The following SLCO3A1 variants were observed in gnomAD, a reference collection of about 807,000 sequenced individuals.
The protein encoded by SLCO3A1 is PGE1 transporter.
In SLCO3A1, 27 loss-of-function variants were observed where a neutral mutation model predicts 63.1. The observed-to-expected ratio is 0.43, with a 90% CI of 0.32 to 0.59. SLCO3A1 has a LOEUF of 0.59. Among genes scored for constraint, SLCO3A1 ranks in the 20% least tolerant of loss-of-function variants. The probability of loss-of-function intolerance (pLI) is 0.09; values close to 1 mark genes in which losing one functional copy is unlikely to be tolerated. For synonymous variants in SLCO3A1, 473 were observed against 409.9 expected (o/e 1.15, Z -1.86); for missense variants, 773 against 945.8 (o/e 0.82, Z 2.40).
chr15:91,911,922 G>A (rs1898500070), intron 1 of SLCO3A1, among the ~76,000 whole-genome samples: 1 of 152,000 alleles, frequency 6.6e-6, no homozygotes, highest in African/African-American at 2.4e-5. Flanking sequence ...ACTGCGCCCG[G>A]CCGGGACATC....
At chr15:92,011,894 A>G (rs1446790356) in intron 2 of SLCO3A1, among the ~76,000 whole-genome samples, 2 of 152,228 alleles carry the variant, frequency 1.3e-5, no homozygotes, top group Non-Finnish European at 2.9e-5. Context: ...GAACCTCTCA[A>G]TTTGCTGTGT....
intron 2 of SLCO3A1, among the ~76,000 whole-genome samples, chr15:92,051,982 A>C (rs2046963558): frequency 6.6e-6 from 1 of 152,186 alleles, no homozygotes; most frequent in Non-Finnish European, 1.5e-5. Context: ...CTGTGACTTT[A>C]AAGACCAAAT....
chr15:92,029,041 T>A (rs1226720608), intron 2 of SLCO3A1, among the ~76,000 whole-genome samples: 4 of 152,000 alleles, frequency 2.6e-5, no homozygotes, highest in Non-Finnish European at 4.4e-5. Flanking sequence ...CCAGAGGACA[T>A]ACATTTAAGT....
intron 1 of SLCO3A1, among the ~76,000 whole-genome samples, chr15:91,858,657 A>G (rs1345167559): frequency 6.6e-6 from 1 of 152,206 alleles, no homozygotes; most frequent in African/African-American, 2.4e-5. Flanking sequence ...TTGCTAATCA[A>G]TTGCCCAGCA....
chr15:92,126,924 C>G (rs1056232656), intron 6 of SLCO3A1, among the ~76,000 whole-genome samples: 2 of 152,202 alleles, frequency 1.3e-5, no homozygotes, highest in African/African-American at 4.8e-5. Flanking sequence ...AGCATCGAGG[C>G]TGAAGCATGG....
intron 8 of SLCO3A1, chr15:92,149,834 G>C (rs563034929): frequency 5.3e-5 from 8 of 152,336 alleles, no homozygotes; most frequent in African/African-American, 1.9e-4. Context: ...CATTATACCA[G>C]TGTGCTTTCT....
At chr15:91,963,184 G>A (rs556572719) in intron 2 of SLCO3A1, among the ~76,000 whole-genome samples, 133 of 152,130 alleles carry the variant, frequency 8.7e-4, no homozygotes, top group Non-Finnish European at 1.4e-3. Context: ...TTATCTTGTC[G>A]TGCTTCGAGG....
In SLCO3A1 at chr15:91,968,182, G is replaced by C. The variant is rs908644844; in HGVS notation, c.646+51724G>C. On this transcript the variant is annotated intron_variant, in intron 2 of 9. Coordinates refer to ENST00000318445, the MANE Select transcript of SLCO3A1 (RefSeq NM_013272.4). The surrounding 1 kb of genome is among the most constrained non-coding windows in gnomAD (Gnocchi z 4.2). The stretch of plus-strand genomic sequence containing the variant: ...TAATCATCCATGCCCACAGAGGAGA[G>C]CGTGTGCCCTGAGTTTCAGTGCCGG... Among the ~76,000 whole-genome samples, 1 of 152,138 alleles carries C rather than the reference G, an allele frequency of 6.6e-6. No homozygotes were observed. The highest frequency in any genetic ancestry group is 6.5e-5 in the Admixed American group (1 of 15,280).
At position 91,944,910 on chromosome 15, in the gene SLCO3A1, C is replaced by T. The variant is rs766108127; in HGVS notation, c.646+28452C>T. ...TTCTGTAGTACATGTTAAGATTCCT[C>T]TGCCACGCCCAAATTTCAACTTTTC... is the stretch of plus-strand genomic sequence containing the variant. On this transcript the variant is annotated intron_variant, in intron 2 of 9. Coordinates refer to ENST00000318445, the MANE Select transcript of SLCO3A1 (RefSeq NM_013272.4). Among the ~76,000 whole-genome samples the T allele has an allele frequency of 1.4e-4, 21 of 152,306 alleles. No individual in the cohort carries two copies. In the South Asian group the frequency reaches 3.9e-3, roughly 29 times the overall value.
At chr15:91,988,571 A>C (rs2046085170) in intron 2 of SLCO3A1, among the ~76,000 whole-genome samples, 1 of 152,158 alleles carries the variant, frequency 6.6e-6, no homozygotes, top group African/African-American at 2.4e-5. Context: ...AAATAATCAA[A>C]ATCCTGTGGG....
intron 2 of SLCO3A1, among the ~76,000 whole-genome samples, chr15:92,067,026 T>G (rs1432429463): frequency 4.6e-5 from 7 of 152,150 alleles, no homozygotes; most frequent in Non-Finnish European, 1.0e-4. Context: ...CTTCACACCT[T>G]GTATGTAAAT....
chr15:92,064,111 T>C (rs1372958061), intron 2 of SLCO3A1, among the ~76,000 whole-genome samples: 1 of 152,126 alleles, frequency 6.6e-6, no homozygotes, highest in Non-Finnish European at 1.5e-5. Flanking sequence ...CTAGAGATAG[T>C]CTCCTAACAG....
rs370036019 is a variant in SLCO3A1 at position 92,165,813 on chromosome 15, T to G, written c.*2678T>G. The G allele has an allele frequency of 1.4e-5, 14 of 985,344 alleles. 1 individual carries two copies. The African/African-American group carries it at 1.9e-4, about 13-fold the overall frequency. The allele number at this position is 985,344 out of a possible 1,614,324, so 61.0% of individuals were successfully genotyped here. A position where few individuals can be genotyped will look rare whatever the true frequency, so the allele number is the denominator to read the frequency against. On this transcript the variant is annotated 3_prime_UTR_variant, in exon 10 of 10. Transcript: ENST00000318445. ...AGATCCAGCCCCTCGATTATCTGTTTGGTTTCAAGTGAATGAAAAGATTTC... is the reference window on the plus strand; with the variant it reads ...AGATCCAGCCCCTCGATTATCTGTTGGGTTTCAAGTGAATGAAAAGATTTC...
At chr15:91,949,328 C>T (rs72754008) in intron 2 of SLCO3A1, among the ~76,000 whole-genome samples, 8,753 of 152,132 alleles carry the variant, frequency 0.058, 360 homozygotes, top group Non-Finnish European at 0.087. Flanking sequence ...AAGGGTAGTA[C>T]CCATGCGGAG....
At chr15:92,103,555 G>C (rs1032304756) in intron 3 of SLCO3A1, among the ~76,000 whole-genome samples, 8 of 151,734 alleles carry the variant, frequency 5.3e-5, no homozygotes, top group Non-Finnish European at 1.2e-4. Context: ...GGAAACAAAG[G>C]CCCCTCACCA....
intron 2 of SLCO3A1, among the ~76,000 whole-genome samples, chr15:91,994,125 C>T (rs975988765): frequency 2.0e-5 from 3 of 152,106 alleles, no homozygotes; most frequent in Non-Finnish European, 4.4e-5. Flanking sequence ...ATTAAGCCTC[C>T]GTGTTTTAAG....
At chr15:92,078,466 C>T (rs1014718483) in intron 2 of SLCO3A1, among the ~76,000 whole-genome samples, 1 of 152,202 alleles carries the variant, frequency 6.6e-6, no homozygotes, top group Non-Finnish European at 1.5e-5. Context: ...CCTCGGCGCA[C>T]CTCCGCGGGC....
chr15:91,888,933 C>T (rs1237552912), intron 1 of SLCO3A1, among the ~76,000 whole-genome samples: 1 of 150,246 alleles, frequency 6.7e-6, no homozygotes, highest in East Asian at 2.0e-4. Flanking sequence ...CGCTTGAGCC[C>T]AGGAGCATAA....
chr15:92,128,380 A>G lies in SLCO3A1; in HGVS notation c.1403A>G (p.Tyr468Cys). The change falls in exon 7 of 10, where the codon TAC becomes TGC. Residue 468 changes from tyrosine (Y) to cysteine (C), a missense_variant. Physicochemically the swap from Tyr to Cys is radical, Grantham distance 194 (BLOSUM62 -2). Transcript: ENST00000318445. ...STAPGSALDP[Y>C]SPCNNNCECQ... ...GCACCTGGCTCAGCCCTGGACCCCT[A>G]CTCGCCCTGCAATAATAACTGTGAA... The G allele has an allele frequency of 6.2e-7, 1 of 1,613,830 alleles. No individual in the cohort carries two copies. The highest frequency in any genetic ancestry group is 8.5e-7 in the Non-Finnish European group (1 of 1,179,972).
Sources: gnomAD v4.1 joint callset for allele counts (sites outside exome capture counted in the v4.1 genomes callset) on GRCh38, gnomAD v4.1.1 for gene constraint, Gnocchi (gnomAD v3.1) non-coding constraint, MANE v1.5 for transcripts, NCBI Gene and HGNC (gene_info 2026-07-23, HGNC 2026-07-21) for gene names.